Variants in SPTLC3 observed in about 807,000 individuals in gnomAD.
SPTLC3 encodes serine palmitoyltransferase long chain base subunit 3.
A neutral mutation model predicts 59.3 loss-of-function variants in SPTLC3; 36 were observed. The observed-to-expected ratio is 0.61, with a 90% CI of 0.47 to 0.80. The LOEUF is 0.80. Ranked by LOEUF, SPTLC3 falls within the 30% of genes least tolerant of loss-of-function variation. The pLI is 0.00. For synonymous variants in SPTLC3, 257 were observed against 240.8 expected (o/e 1.07, Z -0.62); for missense variants, 625 against 685.1 (o/e 0.91, Z 0.98).
chr20:13,079,877 C>A, intron 4 of SPTLC3: 1 of 393,918 alleles, frequency 2.5e-6, no homozygotes, highest in South Asian at 1.9e-5. Flanking sequence ...GGTGAGGCAG[C>A]CTGCTCCCAA....
At chr20:13,012,222 A>G (rs1985291042) in intron 1 of SPTLC3, among the ~76,000 whole-genome samples, 1 of 151,922 alleles carries the variant, frequency 6.6e-6, no homozygotes, top group African/African-American at 2.4e-5. Context: ...TGCAGGATGA[A>G]AAAAAAATTG....
Position 13,169,039 on chromosome 20 carries a change from C to A in SPTLC3, c.*4172C>A, listed in dbSNP as rs370239796. Reference sequence around the variant, plus strand: ...GTTTCACTGAAACATTTGAAACGACCAATTTCACTTTATTGTGCCTGTAAA... The same window carrying A: ...GTTTCACTGAAACATTTGAAACGACAAATTTCACTTTATTGTGCCTGTAAA... On this transcript the variant is annotated 3_prime_UTR_variant, in exon 12 of 12. Coordinates refer to ENST00000399002, the MANE Select transcript of SPTLC3 (RefSeq NM_018327.4). The A allele has an allele frequency of 2.6e-5, 4 of 151,668 alleles. No individual in the cohort carries two copies. Among genetic ancestry groups the A allele is most frequent in the African/African-American group, 7.3e-5 (3 of 41,272 alleles). 9.4% of individuals were successfully genotyped at this position (151,668 alleles called of 1,614,324 possible).
intron 2 of SPTLC3, among the ~76,000 whole-genome samples, chr20:13,060,612 AC>A (rs991193081): frequency 1.7e-5 from 1 of 58,266 alleles, no homozygotes; most frequent in Non-Finnish European, 3.7e-5. Context: ...CCACCCTCCC[AC>A]CCTTCCAACT....
chr20:13,130,646 G>A (rs912992404), intron 9 of SPTLC3, among the ~76,000 whole-genome samples: 3 of 152,218 alleles, frequency 2.0e-5, no homozygotes, highest in Non-Finnish European at 4.4e-5. Flanking sequence ...AGGGGCTGCA[G>A]GCCGTGCATG....
At chr20:13,097,496 A>T (rs1989458949) in intron 6 of SPTLC3, among the ~76,000 whole-genome samples, 1 of 152,044 alleles carries the variant, frequency 6.6e-6, no homozygotes. Flanking sequence ...AAAAAAAAAT[A>T]ATAATTCTGA....
chr20:13,089,869 T>C (rs6109691), intron 4 of SPTLC3, among the ~76,000 whole-genome samples: 14,155 of 151,848 alleles, frequency 0.093, 742 homozygotes, highest in Middle Eastern at 0.17. Context: ...ATGGTACATA[T>C]TTTACACTTA....
At chr20:13,120,643 C>T (rs1331187702) in intron 8 of SPTLC3, among the ~76,000 whole-genome samples, 2 of 152,088 alleles carry the variant, frequency 1.3e-5, no homozygotes, top group Non-Finnish European at 2.9e-5. Context: ...TATTAGCAAC[C>T]AGATGAGACA....
intron 6 of SPTLC3, among the ~76,000 whole-genome samples, chr20:13,105,384 A>T (rs1347366430): frequency 6.6e-6 from 1 of 152,188 alleles, no homozygotes; most frequent in Non-Finnish European, 1.5e-5. Context: ...CAAGTCAAAC[A>T]CAACGAAGTC....
At chr20:13,139,687 T>C (rs987808384) in intron 9 of SPTLC3, among the ~76,000 whole-genome samples, 9 of 152,184 alleles carry the variant, frequency 5.9e-5, no homozygotes, top group African/African-American at 2.2e-4. Context: ...ACTATGTGCC[T>C]AGGAGAGGAA....
intron 4 of SPTLC3, among the ~76,000 whole-genome samples, chr20:13,080,444 G>A (rs1428835514): frequency 1.4e-5 from 2 of 147,154 alleles, no homozygotes; most frequent in East Asian, 4.0e-4. Flanking sequence ...GGAGTCAGAG[G>A]TTGCAGTGAG....
chr20:13,110,345 A>G (rs771826224), intron 7 of SPTLC3, 128 bp downstream of exon 7: 29 of 715,202 alleles, frequency 4.1e-5, no homozygotes, highest in Non-Finnish European at 2.5e-5. Flanking sequence ...CAGGGACCTG[A>G]GACAGAGCCA....
At chr20:13,096,292 A>G (rs1026101022) in intron 6 of SPTLC3, among the ~76,000 whole-genome samples, 2 of 152,192 alleles carry the variant, frequency 1.3e-5, no homozygotes, top group African/African-American at 4.8e-5. Context: ...CCCAAGAGGA[A>G]TGAAAGTGTG....
intron 9 of SPTLC3, among the ~76,000 whole-genome samples, chr20:13,146,677 T>C (rs574397059): frequency 1.2e-4 from 19 of 152,344 alleles, no homozygotes; most frequent in African/African-American, 3.4e-4. Context: ...ATATCTGCCT[T>C]GCCTCCTGTT....
intron 4 of SPTLC3, among the ~76,000 whole-genome samples, chr20:13,076,246 C>T (rs6134772): frequency 0.27 from 41,705 of 151,968 alleles, 5,886 homozygotes; most frequent in Middle Eastern, 0.35. Context: ...TAAAGTATTC[C>T]GCAACATTAA....
chr20:13,109,636 A>G (rs1303434471), intron 6 of SPTLC3, among the ~76,000 whole-genome samples: 1 of 152,194 alleles, frequency 6.6e-6, no homozygotes, highest in South Asian at 2.1e-4. Context: ...AAGTTTTGAA[A>G]CTTCTAAGAC....
intron 11 of SPTLC3, among the ~76,000 whole-genome samples, chr20:13,160,468 C>T (rs894491100): frequency 3.3e-5 from 5 of 152,170 alleles, no homozygotes; most frequent in African/African-American, 1.2e-4. Flanking sequence ...TTACATGCAT[C>T]CTGACATTTT....
chr20:13,058,825 A>T (rs989185415), intron 2 of SPTLC3, among the ~76,000 whole-genome samples: 1 of 152,198 alleles, frequency 6.6e-6, no homozygotes, highest in Non-Finnish European at 1.5e-5. Flanking sequence ...ATCCTTCCGT[A>T]ACCGAGCCCA....
intron 2 of SPTLC3, among the ~76,000 whole-genome samples, chr20:13,052,385 G>A (rs1295384907): frequency 6.6e-6 from 1 of 152,136 alleles, no homozygotes; most frequent in Non-Finnish European, 1.5e-5. Flanking sequence ...CCGCAGACCA[G>A]GAGATTCCCT....
intron 1 of SPTLC3, among the ~76,000 whole-genome samples, chr20:13,045,036 C>CA (rs1987173037): frequency 1.4e-5 from 2 of 147,900 alleles, no homozygotes; most frequent in Admixed American, 6.8e-5. Flanking sequence ...CACACACACA[C>CA]CCTACTGCAC....
Sources: allele counts gnomAD v4.1 joint callset (sites outside exome capture counted in the v4.1 genomes callset), GRCh38; gene constraint gnomAD v4.1.1; transcripts MANE v1.5; gene names NCBI Gene and HGNC (gene_info 2026-07-23, HGNC 2026-07-21).